Variants in ATXN7L1 observed in about 807,000 individuals in gnomAD.
ATXN7L1 encodes ataxin-7-like protein 1.
In ATXN7L1, 15 loss-of-function variants were observed where a neutral mutation model predicts 70.8. The ratio of observed to expected loss-of-function variants is 0.21; its 90% confidence interval spans 0.14 to 0.33. The LOEUF (loss-of-function observed/expected upper bound fraction) is 0.33. ATXN7L1 is among the 10% of genes least tolerant of loss of function. ATXN7L1 has a pLI of 1.00. For missense variants in ATXN7L1, 975 were observed against 1,097.1 expected (o/e 0.89, Z 1.57); for synonymous variants, 440 against 445.1 (o/e 0.99, Z 0.14).
At chr7:105,818,308 T>C (rs1322474915) in intron 2 of ATXN7L1, among the ~76,000 whole-genome samples, 2 of 152,212 alleles carry the variant, frequency 1.3e-5, no homozygotes, top group African/African-American at 4.8e-5. Flanking sequence ...TGGCTGGGGC[T>C]ACAGGCACGT....
At chr7:105,834,853 T>C (rs1032113258) in intron 2 of ATXN7L1, among the ~76,000 whole-genome samples, 8 of 152,038 alleles carry the variant, frequency 5.3e-5, no homozygotes, top group Non-Finnish European at 1.0e-4. Context: ...CTTTTTGTGA[T>C]GGAGTGGAGG....
At chr7:105,664,575 G>GTGTGTATGTGTGTATATATATATA in intron 4 of ATXN7L1, among the ~76,000 whole-genome samples, 2 of 131,990 alleles carry the variant, frequency 1.5e-5, no homozygotes, top group African/African-American at 5.7e-5. Context: ...GTATGTGTGT[G>GTGTGTATGTGTGTATATATATATA]TATATATATA....
intron 2 of ATXN7L1, among the ~76,000 whole-genome samples, chr7:105,822,148 A>G (rs1810254798): frequency 6.6e-6 from 1 of 152,224 alleles, no homozygotes; most frequent in South Asian, 2.1e-4. Context: ...CTCAAAATCC[A>G]TAATGTCAGC....
At chr7:105,738,867 C>T (rs1728789869) in intron 3 of ATXN7L1, among the ~76,000 whole-genome samples, 1 of 152,236 alleles carries the variant, frequency 6.6e-6, no homozygotes, top group Non-Finnish European at 1.5e-5. Flanking sequence ...ATGCAGAGCG[C>T]TAAGCCAGAG....
chr7:105,850,156 AAT>A (rs1199177878), intron 2 of ATXN7L1, among the ~76,000 whole-genome samples: 13 of 152,264 alleles, frequency 8.5e-5, no homozygotes, highest in Admixed American at 2.0e-4. Flanking sequence ...ATGATAAAAA[AAT>A]ACTTTCCTGT....
intron 3 of ATXN7L1, chr7:105,677,944 AC>A: frequency 1.0e-6 from 1 of 985,240 alleles, no homozygotes; most frequent in African/African-American, 1.7e-5. Context: ...AGAGCCACTC[AC>A]CCCACAGACT....
At chr7:105,819,080 G>C (rs568240751) in intron 2 of ATXN7L1, among the ~76,000 whole-genome samples, 4 of 141,548 alleles carry the variant, frequency 2.8e-5, no homozygotes, top group African/African-American at 1.1e-4. Flanking sequence ...TCCCCACCCT[G>C]TGTCCAAGTG....
chr7:105,767,334 C>T (rs975474872), intron 3 of ATXN7L1, among the ~76,000 whole-genome samples: 1 of 152,076 alleles, frequency 6.6e-6, no homozygotes, highest in Non-Finnish European at 1.5e-5. Flanking sequence ...CCTCCATAAG[C>T]CCCTATACTC....
chr7:105,839,199 G>C (rs946679734), intron 2 of ATXN7L1, among the ~76,000 whole-genome samples: 1 of 151,914 alleles, frequency 6.6e-6, no homozygotes. Flanking sequence ...GCTCAGCTGA[G>C]AGACGTTTTT....
chr7:105,710,487 A>T (rs1350737149), intron 3 of ATXN7L1, among the ~76,000 whole-genome samples: 1 of 148,430 alleles, frequency 6.7e-6, no homozygotes, highest in African/African-American at 2.5e-5. Context: ...AGCTCACTGC[A>T]AGCTCCGCCT....
chr7:105,717,414 C>G (rs1207770983), intron 3 of ATXN7L1, among the ~76,000 whole-genome samples: 1 of 152,192 alleles, frequency 6.6e-6, no homozygotes, highest in African/African-American at 2.4e-5. Flanking sequence ...ACATGAGCCA[C>G]TATGCCTGGC....
chr7:105,856,874 G>A (rs1563148143), intron 2 of ATXN7L1, among the ~76,000 whole-genome samples: 1 of 152,144 alleles, frequency 6.6e-6, no homozygotes, highest in South Asian at 2.1e-4. Flanking sequence ...ACCCTGAATG[G>A]AGAAAGCAAA....
chr7:105,718,079 A>G lies in ATXN7L1; in HGVS notation c.356-52791T>C, dbSNP rs1172951773. Among the ~76,000 whole-genome samples the G allele has an allele frequency of 3.3e-5, 5 of 152,330 alleles. No homozygotes were observed. In the East Asian group the frequency reaches 9.6e-4, roughly 29 times the overall value. ...GGAAATGGAAGGGGCAGTGAAGAGT[A>G]AATTAGATAAAATAATTCTGTGTCA... On this transcript the variant is annotated intron_variant, in intron 3 of 11. Coordinates refer to ENST00000419735, the MANE Select transcript of ATXN7L1 (RefSeq NM_020725.2).
intron 3 of ATXN7L1, among the ~76,000 whole-genome samples, chr7:105,746,796 AT>A (rs1798637492): frequency 6.6e-6 from 1 of 152,368 alleles, no homozygotes; most frequent in Admixed American, 6.5e-5. Context: ...AGAATGATGC[AT>A]AAAATGCACA....
At chr7:105,677,120 A>C (rs1343143211) in intron 3 of ATXN7L1, among the ~76,000 whole-genome samples, 1 of 152,172 alleles carries the variant, frequency 6.6e-6, no homozygotes, top group African/African-American at 2.4e-5. Context: ...TGCAGCAGCC[A>C]CTTCTTTACT....
At chr7:105,666,340 C>A (rs1412581509) in intron 3 of ATXN7L1, among the ~76,000 whole-genome samples, 2 of 152,218 alleles carry the variant, frequency 1.3e-5, no homozygotes, top group Admixed American at 1.3e-4. Context: ...GAAATTATAA[C>A]AGTTCTCCTG....
At chr7:105,630,749 A>G (rs1000166587) in intron 7 of ATXN7L1, among the ~76,000 whole-genome samples, 3 of 151,804 alleles carry the variant, frequency 2.0e-5, no homozygotes, top group African/African-American at 7.3e-5. Context: ...TAAATAAATA[A>G]AAGAGACACA....
chr7:105,689,747 T>G (rs765717728), intron 3 of ATXN7L1, among the ~76,000 whole-genome samples: 1 of 152,186 alleles, frequency 6.6e-6, no homozygotes, highest in Non-Finnish European at 1.5e-5. Context: ...TCATAGCCAG[T>G]TAGCCCAGAG....
chr7:105,727,516 A>C (rs566960878), intron 3 of ATXN7L1, among the ~76,000 whole-genome samples: 1 of 151,370 alleles, frequency 6.6e-6, no homozygotes, highest in East Asian at 2.0e-4. Flanking sequence ...TAACAATACA[A>C]AATTTAGCCA....
Sources: gnomAD v4.1 joint callset for allele counts (sites outside exome capture counted in the v4.1 genomes callset) on GRCh38, gnomAD v4.1.1 for gene constraint, MANE v1.5 for transcripts, NCBI Gene and HGNC (gene_info 2026-07-23, HGNC 2026-07-21) for gene names.